Variants in PRKG1 observed in about 807,000 individuals in gnomAD.
PRKG1 encodes cGMP-dependent protein kinase 1.
PRKG1 carries 35 observed loss-of-function variants against 88.1 expected under a neutral mutation model. That is an observed-to-expected ratio of 0.40 (90% CI 0.30 to 0.53). The LOEUF (loss-of-function observed/expected upper bound fraction) is 0.53. PRKG1 is among the 20% of genes least tolerant of loss of function. The probability of loss-of-function intolerance (pLI) is 0.59; values close to 1 mark genes in which losing one functional copy is unlikely to be tolerated. For missense variants in PRKG1, 540 were observed against 839.8 expected (o/e 0.64, Z 4.41); for synonymous variants, 303 against 292.5 (o/e 1.04, Z -0.37).
intron 7 of PRKG1, among the ~76,000 whole-genome samples, chr10:52,067,527 G>T (rs1377491592): frequency 1.3e-5 from 2 of 152,174 alleles, no homozygotes; most frequent in African/African-American, 2.4e-5. Flanking sequence ...CTACTATCTA[G>T]TTCTGCCTCT....
intron 2 of PRKG1, among the ~76,000 whole-genome samples, chr10:51,321,924 A>G (rs191561400): frequency 6.6e-6 from 1 of 152,328 alleles, no homozygotes; most frequent in East Asian, 1.9e-4. Flanking sequence ...AAAAAAATAA[A>G]TGCTAGTAAA....
intron 3 of PRKG1, among the ~76,000 whole-genome samples, chr10:51,587,599 A>T (rs1422544379): frequency 6.6e-6 from 1 of 152,234 alleles, no homozygotes; most frequent in Non-Finnish European, 1.5e-5. Context: ...CTTTAGTATT[A>T]AATATTGTAT....
intron 9 of PRKG1, among the ~76,000 whole-genome samples, chr10:52,230,012 A>T (rs12258930): frequency 0.011 from 1,738 of 152,300 alleles, 42 homozygotes; most frequent in African/African-American, 0.04. Context: ...TTCAGAAATT[A>T]AACCGTGAAA....
At chr10:52,023,840 A>C (rs75011304) in intron 5 of PRKG1, among the ~76,000 whole-genome samples, 1 of 152,050 alleles carries the variant, frequency 6.6e-6, no homozygotes, top group Non-Finnish European at 1.5e-5. Context: ...AGATTGCAAA[A>C]ATTTTCTCGC....
chr10:51,133,114 C>T (rs1010009352), intron 1 of PRKG1, among the ~76,000 whole-genome samples: 1 of 152,060 alleles, frequency 6.6e-6, no homozygotes, highest in Non-Finnish European at 1.5e-5. Flanking sequence ...TATGGATAAT[C>T]CTTTCCTAAG....
At chr10:51,607,071 C>A (rs1838785279) in intron 3 of PRKG1, among the ~76,000 whole-genome samples, 1 of 152,118 alleles carries the variant, frequency 6.6e-6, no homozygotes, top group African/African-American at 2.4e-5. Flanking sequence ...GCCCAGTAAT[C>A]CTGAAAGCGA....
At chr10:51,082,994 A>G (rs1047436107) in intron 1 of PRKG1, among the ~76,000 whole-genome samples, 8 of 152,162 alleles carry the variant, frequency 5.3e-5, no homozygotes, top group Non-Finnish European at 1.0e-4. Flanking sequence ...GCCAGGGTTG[A>G]GAAACCTCTG....
chr10:51,154,272 G>T (rs1420526573), intron 2 of PRKG1, among the ~76,000 whole-genome samples: 1 of 151,860 alleles, frequency 6.6e-6, no homozygotes, highest in Non-Finnish European at 1.5e-5. Flanking sequence ...AACTGATGAT[G>T]ATTCTGTCTC....
At chr10:51,869,153 G>A (rs1437178459) in intron 4 of PRKG1, among the ~76,000 whole-genome samples, 1 of 152,066 alleles carries the variant, frequency 6.6e-6, no homozygotes, top group African/African-American at 2.4e-5. Flanking sequence ...GACACATTGC[G>A]ATTGCACCTT....
rs369669267 is a variant in PRKG1, at chr10:51,823,133, A to G, written c.698+18443A>G. On this transcript the variant is annotated intron_variant, in intron 4 of 17. Transcript: ENST00000373980. ...TTCCAGTCACTATTTAACATGGTAA[A>G]TGTAGATAGATACAACACATATAAA... Among the ~76,000 whole-genome samples the G allele has an allele frequency of 9.2e-5, 14 of 152,242 alleles. 1 individual carries two copies. In the East Asian group the frequency reaches 1.5e-3, roughly 17 times the overall value.
intron 9 of PRKG1, chr10:52,231,014 G>A (rs897720524): frequency 1.3e-5 from 2 of 152,190 alleles, no homozygotes; most frequent in African/African-American, 4.8e-5. Context: ...CATTAGAAGG[G>A]ATAAACTTCA....
chr10:51,512,961 T>C (rs921357734), intron 3 of PRKG1, among the ~76,000 whole-genome samples: 1 of 140,588 alleles, frequency 7.1e-6, no homozygotes, highest in African/African-American at 2.7e-5. Context: ...ATGAGCATTT[T>C]TTCATGTATT....
chr10:52,212,767 T>G (rs1840013117), intron 9 of PRKG1, among the ~76,000 whole-genome samples: 1 of 152,216 alleles, frequency 6.6e-6, no homozygotes, highest in South Asian at 2.1e-4. Context: ...CATTTTTTAT[T>G]ATGCTTTAAC....
chr10:51,908,727 A>ATCTATCTATCTATCTATC (rs59016467), intron 5 of PRKG1: 1 of 113,220 alleles, frequency 8.8e-6, no homozygotes, highest in Non-Finnish European at 2.0e-5. Flanking sequence ...CTATCTATCT[A>ATCTATCTATCTATCTATC]TATGTAATTT....
intron 3 of PRKG1, among the ~76,000 whole-genome samples, chr10:51,693,006 G>A (rs1016558271): frequency 6.6e-6 from 1 of 152,080 alleles, no homozygotes; most frequent in African/African-American, 2.4e-5. Context: ...GTTATTAAAT[G>A]CCAGGTGTGG....
chr10:52,206,549 T>C (rs1839824434), intron 9 of PRKG1, among the ~76,000 whole-genome samples: 1 of 152,198 alleles, frequency 6.6e-6, no homozygotes, highest in Non-Finnish European at 1.5e-5. Context: ...TGATGTTCCT[T>C]AATCTTTGAA....
chr10:52,069,010 C>G (rs989917452), intron 7 of PRKG1, among the ~76,000 whole-genome samples: 6 of 105,560 alleles, frequency 5.7e-5, no homozygotes, highest in Non-Finnish European at 1.2e-4. Context: ...CAAGAACTTT[C>G]CCAGCTGTTG....
At chr10:51,406,023 T>C (rs761640238) in intron 2 of PRKG1, among the ~76,000 whole-genome samples, 19 of 152,226 alleles carry the variant, frequency 1.2e-4, no homozygotes, top group Admixed American at 4.6e-4. Flanking sequence ...GCCCGTGGAG[T>C]GCCCTGTTGA....
chr10:51,167,133 C>T (rs955988667), intron 2 of PRKG1, among the ~76,000 whole-genome samples: 1 of 151,858 alleles, frequency 6.6e-6, no homozygotes, highest in Non-Finnish European at 1.5e-5. Flanking sequence ...CGGAAATAAG[C>T]GAAATACTTT....
Sources: allele counts gnomAD v4.1 joint callset (sites outside exome capture counted in the v4.1 genomes callset), GRCh38; gene constraint gnomAD v4.1.1; transcripts MANE v1.5; gene names NCBI Gene and HGNC (gene_info 2026-07-23, HGNC 2026-07-21).